The following MTOR variants were observed in gnomAD, a reference collection of about 807,000 sequenced individuals.
The protein encoded by MTOR is mechanistic target of rapamycin kinase.
MTOR carries 70 observed loss-of-function variants against 319.8 expected under a neutral mutation model. That is an observed-to-expected ratio of 0.22 (90% CI 0.18 to 0.27). MTOR has a LOEUF of 0.27. Among genes scored for constraint, MTOR ranks in the 10% least tolerant of loss-of-function variants. The probability of loss-of-function intolerance (pLI) is 1.00; values close to 1 mark genes in which losing one functional copy is unlikely to be tolerated. For missense variants in MTOR, 1,890 were observed against 3,274.4 expected, an observed-to-expected ratio of 0.58 and a Z score of 10.32; for synonymous variants, 1,183 against 1,211.4, an observed-to-expected ratio of 0.98 and a Z score of 0.49.
intron 19 of MTOR, among the ~76,000 whole-genome samples, chr1:11,227,297 C>CAAAAAAAAAAAA (rs59546882): frequency 2.7e-5 from 2 of 74,052 alleles, no homozygotes; most frequent in South Asian, 4.5e-4. Flanking sequence ...GACTTTGTCT[C>CAAAAAAAAAAAA]AAAAAAAAAA....
In MTOR at chr1:11,242,095, G is replaced by A. The variant is rs543181452; in HGVS notation, c.1413-414C>T. ...GCTTTAGAATGGGGCCAGGCGCAGC[G>A]ACTCACGCCTGTAATCCCAGCACTC... On this transcript the variant is annotated intron_variant, in intron 9 of 57. Coordinates refer to ENST00000361445, the MANE Select transcript of MTOR (RefSeq NM_004958.4). 3.9e-5 allele frequency among the ~76,000 whole-genome samples: 6 copies of A among 152,268 alleles called. 1 individual carries two copies. Among genetic ancestry groups the A allele is most frequent in the African/African-American group, 7.2e-5 (3 of 41,570 alleles).
chr1:11,193,600 T>A (rs762413357), intron 28 of MTOR: 17 of 1,600,962 alleles, frequency 1.1e-5, no homozygotes, highest in Non-Finnish European at 1.3e-5. Context: ...ACATGGAGAC[T>A]TCAGGCGGAG....
chr1:11,245,178 A>G (rs1333587722), intron 8 of MTOR, among the ~76,000 whole-genome samples: 1 of 152,196 alleles, frequency 6.6e-6, no homozygotes, highest in East Asian at 1.9e-4. Context: ...GCCAGTGTGC[A>G]TGGGTAGGCG....
Position 11,212,226 on chromosome 1 carries a change from T to C in MTOR, c.3561+86A>G. On this transcript the variant is annotated intron_variant, in intron 23 of 57. Transcript: ENST00000361445. The surrounding 1 kb of genome is among the most constrained non-coding windows in gnomAD (Gnocchi z 4.1). ...CCACGTTCTCTGATGGTGGCTGGCATCAGACAAAGTCTGAGTGGCTCACAG... is the reference window on the plus strand; with the variant it reads ...CCACGTTCTCTGATGGTGGCTGGCACCAGACAAAGTCTGAGTGGCTCACAG... The C allele has an allele frequency of 6.8e-7, 1 of 1,472,594 alleles. No individual in the cohort carries two copies. Among genetic ancestry groups the C allele is most frequent in the South Asian group, 1.4e-5 (1 of 73,668 alleles). The allele number at this position is 1,472,594 out of a possible 1,614,324, so 91.2% of individuals were successfully genotyped here.
chr1:11,217,899 T>C lies in MTOR; in HGVS notation c.3031-1665A>G, dbSNP rs114547242. ...GTGAGTAATGGATTTATAGTACTCA[T>C]TACCCAAAGAGGCAAGATCGATAGG... is the stretch of plus-strand genomic sequence containing the variant. On this transcript the variant is annotated intron_variant, in intron 19 of 57. Transcript: ENST00000361445. Among the ~76,000 whole-genome samples the C allele has an allele frequency of 6.9e-3, 1,055 of 152,220 alleles. 20 individuals carry two copies. The highest frequency in any genetic ancestry group is 0.025 in the African/African-American group (1,027 of 41,526).
chr1:11,222,754 CA>C (rs1181749576), intron 19 of MTOR, among the ~76,000 whole-genome samples: 2 of 151,806 alleles, frequency 1.3e-5, no homozygotes, highest in Admixed American at 6.6e-5. Context: ...TGGAAAAAAA[CA>C]TTTTTTTTAA....
chr1:11,210,951 G>C (rs1465912060), intron 23 of MTOR, 45 bp from the exon 24 acceptor site: 2 of 1,253,168 alleles, frequency 1.6e-6, no homozygotes, highest in Admixed American at 1.8e-5. Flanking sequence ...ATTTTGGAGA[G>C]TGGAGAAAAA....
intron 28 of MTOR, among the ~76,000 whole-genome samples, chr1:11,187,758 T>C (rs1045541452): frequency 2.0e-5 from 3 of 152,168 alleles, no homozygotes; most frequent in African/African-American, 7.2e-5. Context: ...GTTACTAAAA[T>C]GAATGCTATG....
intron 47 of MTOR, among the ~76,000 whole-genome samples, chr1:11,123,409 C>CTTTTT (rs950653302): frequency 1.1e-4 from 13 of 122,020 alleles, no homozygotes; most frequent in South Asian, 2.8e-4. Flanking sequence ...CTGTGCCCAG[C>CTTTTT]TTTTTTTTTT....
Position 11,212,057 on chromosome 1 carries a change from T to C in MTOR, c.3561+255A>G, listed in dbSNP as rs1354185194. ...CACTCTTAAGAAACAAACTGTTTAT[T>C]TGCTTTGCTTCATCAGGATGGAAGC... On this transcript the variant is annotated intron_variant, in intron 23 of 57. Transcript: ENST00000361445. The surrounding 1 kb of genome is among the most constrained non-coding windows in gnomAD (Gnocchi z 4.1). Among the ~76,000 whole-genome samples the C allele has an allele frequency of 1.3e-5, 2 of 152,198 alleles. No homozygotes were observed. Among genetic ancestry groups the C allele is most frequent in the East Asian group, 1.9e-4 (1 of 5,198 alleles).
chr1:11,253,809 C>A, intron 6 of MTOR, 30 bp downstream of exon 6: 1 of 1,613,148 alleles, frequency 6.2e-7, no homozygotes, highest in Non-Finnish European at 8.5e-7. Flanking sequence ...ACACGGGGAG[C>A]CTGGACTCCC....
chr1:11,175,773 C>T (rs1247401253), intron 28 of MTOR, among the ~76,000 whole-genome samples: 1 of 137,558 alleles, frequency 7.3e-6, no homozygotes, highest in Non-Finnish European at 1.5e-5. Flanking sequence ...GAGACAGGGT[C>T]TCACTCTGTC....
chr1:11,134,389 G>A lies in MTOR; in HGVS notation c.5208C>T (p.Asp1736=), dbSNP rs765675720. Residue 1736 remains aspartate (D), a synonymous_variant, in exon 37 of 58, where the codon GAC becomes GAT. Coordinates refer to ENST00000361445, the MANE Select transcript of MTOR (RefSeq NM_004958.4). ...QQAQHAIATE[D]QQHKQELHKL... is the part of the protein sequence containing the mutation. The stretch of plus-strand genomic sequence containing the variant: ...TGTGCAGTTCCTGCTTATGCTGCTG[G>A]TCCTCAGTAGCGATGGCATGCTGGG... 1.5e-5 allele frequency: 24 copies of A among 1,614,200 alleles called. No individual in the cohort carries two copies. The highest frequency in any genetic ancestry group is 4.4e-5 in the South Asian group (4 of 91,080).
chr1:11,169,486 A>C (rs549784251), intron 28 of MTOR, among the ~76,000 whole-genome samples: 2 of 152,358 alleles, frequency 1.3e-5, no homozygotes, highest in African/African-American at 4.8e-5. Flanking sequence ...ATTTGGAGTC[A>C]GAAGATGGGG....
At chr1:11,180,046 A>C (rs1307752121) in intron 28 of MTOR, among the ~76,000 whole-genome samples, 7 of 152,126 alleles carry the variant, frequency 4.6e-5, no homozygotes, top group Non-Finnish European at 5.9e-5. Flanking sequence ...TGAGTAGCTG[A>C]GACCACAAGC....
chr1:11,112,885 T>C lies in MTOR; in HGVS notation c.7333A>G (p.Arg2445Gly), dbSNP rs1641966396. 5 of 1,614,140 alleles carry C rather than the reference T, an allele frequency of 3.1e-6. No individual in the cohort carries two copies. The highest frequency in any genetic ancestry group is 4.2e-6 in the Non-Finnish European group (5 of 1,180,048). The stretch of plus-strand genomic sequence containing the variant: ...TGGCCAGCAGAGTAGGAATCCGTCC[T>C]CGTTCGGGATCGCTTGTTGCCTTTG... ...NTKGNKRSRT[R>G]TDSYSAGQSV... Residue 2445 changes from arginine to glycine, a missense_variant, in exon 54 of 58, where the codon AGG (arginine) becomes GGG (glycine). Physicochemically the swap from Arg to Gly is moderately radical, Grantham distance 125. Transcript: ENST00000361445.
intron 31 of MTOR, among the ~76,000 whole-genome samples, chr1:11,149,895 C>G (rs1056241366): frequency 1.3e-5 from 2 of 152,118 alleles, no homozygotes; most frequent in African/African-American, 2.4e-5. Flanking sequence ...TTTTGTGCAC[C>G]GTTTTCCTTG....
chr1:11,127,414 G>A lies in MTOR; in HGVS notation c.6216+210C>T, dbSNP rs1414869740. Reference sequence around the variant, plus strand: ...GCTTTTCCAGTTAAAATTCAGAAGGGTCCCTGTAACTAATTTCTGATGTTT... The same window carrying A: ...GCTTTTCCAGTTAAAATTCAGAAGGATCCCTGTAACTAATTTCTGATGTTT... On this transcript the variant is annotated intron_variant, in intron 44 of 57. Coordinates refer to ENST00000361445, the MANE Select transcript of MTOR (RefSeq NM_004958.4). The surrounding 1 kb of genome is among the most constrained non-coding windows in gnomAD (Gnocchi z 5.5). 4.6e-5 allele frequency among the ~76,000 whole-genome samples: 7 copies of A among 152,150 alleles called. No homozygotes were observed. The highest frequency in any genetic ancestry group is 2.6e-4 in the Admixed American group (4 of 15,280).
intron 56 of MTOR, among the ~76,000 whole-genome samples, chr1:11,108,764 G>A (rs577109879): frequency 2.0e-5 from 3 of 151,676 alleles, no homozygotes; most frequent in South Asian, 2.1e-4. Flanking sequence ...GCCGGGTGCG[G>A]TGGGTGAATC....
Sources: allele counts gnomAD v4.1 joint callset (sites outside exome capture counted in the v4.1 genomes callset), GRCh38; gene constraint gnomAD v4.1.1; non-coding constraint Gnocchi (gnomAD v3.1); transcripts MANE v1.5; gene names NCBI Gene and HGNC (gene_info 2026-07-23, HGNC 2026-07-21).